Variants in ZNF736 observed in about 807,000 individuals in gnomAD.
ZNF736 encodes KRAB-containing zinc-finger repressor protein.
In ZNF736, 6 loss-of-function variants were observed where a neutral mutation model predicts 11.7. The ratio of observed to expected loss-of-function variants is 0.51; its 90% CI spans 0.28 to 1.01. The LOEUF (loss-of-function observed/expected upper bound fraction) is 1.01, where lower values mean the gene tolerates loss of function less well. Ranked by LOEUF, ZNF736 falls within the 50% of genes least tolerant of loss-of-function variation. The probability of loss-of-function intolerance (pLI) is 0.09; values close to 1 mark genes in which losing one functional copy is unlikely to be tolerated. For synonymous variants in ZNF736, 139 were observed against 164.7 expected (o/e 0.84, Z 1.19); for missense variants, 444 against 496.0 (o/e 0.90, Z 1.00).
intron 1 of ZNF736, among the ~76,000 whole-genome samples, chr7:64,325,197 T>C (rs1225652029): frequency 6.6e-6 from 1 of 152,194 alleles, no homozygotes; most frequent in Non-Finnish European, 1.5e-5. Context: ...AAAAATACAT[T>C]GTAACCAATT....
intron 1 of ZNF736, among the ~76,000 whole-genome samples, chr7:64,316,340 C>T (rs1788917907): frequency 6.6e-6 from 1 of 152,204 alleles, no homozygotes; most frequent in African/African-American, 2.4e-5. Context: ...TTCTTGCAGA[C>T]ACATTGGTGG....
intron 3 of ZNF736, chr7:64,337,298 T>C (rs1789267560): frequency 3.1e-6 from 1 of 327,258 alleles, no homozygotes. Flanking sequence ...TGACTGCTTT[T>C]CCATTGCTTT....
chr7:64,342,811 C>T (rs898941041), intron 3 of ZNF736, among the ~76,000 whole-genome samples: 1 of 152,030 alleles, frequency 6.6e-6, no homozygotes, highest in Non-Finnish European at 1.5e-5. Context: ...CAAAAAGATA[C>T]TAGCATTTTC....
intron 1 of ZNF736, among the ~76,000 whole-genome samples, chr7:64,324,306 G>A (rs1244409561): frequency 6.6e-6 from 1 of 152,130 alleles, no homozygotes; most frequent in Non-Finnish European, 1.5e-5. Context: ...GGACATGTGC[G>A]TGCCTGTGAA....
At chr7:64,319,313 GTATGTGTGTGTGTGTATGTGTATATATA>G (rs1562666617) in intron 1 of ZNF736, among the ~76,000 whole-genome samples, 25 of 96,622 alleles carry the variant, frequency 2.6e-4, no homozygotes, top group African/African-American at 8.5e-4. Flanking sequence ...GTGTGTATAT[GTATGTGTGTGTGTGTATGTGTATATATA>G]TATATATATA....
At chr7:64,317,085 A>AT (rs1562665984) in intron 1 of ZNF736, among the ~76,000 whole-genome samples, 1 of 152,222 alleles carries the variant, frequency 6.6e-6, no homozygotes, top group Non-Finnish European at 1.5e-5. Flanking sequence ...TGGCCAACTC[A>AT]TTTTTTTAAA....
At chr7:64,322,962 A>C (rs1414599618) in intron 1 of ZNF736, among the ~76,000 whole-genome samples, 2 of 152,202 alleles carry the variant, frequency 1.3e-5, no homozygotes, top group Non-Finnish European at 2.9e-5. Context: ...CCTAATTCTT[A>C]GTAAGGCCTT....
intron 3 of ZNF736, among the ~76,000 whole-genome samples, chr7:64,339,443 A>T (rs1458749326): frequency 2.6e-5 from 4 of 152,134 alleles, no homozygotes; most frequent in Non-Finnish European, 5.9e-5. Context: ...CTTATTTTAT[A>T]TTTAGTTAAT....
Position 64,349,217 on chromosome 7 carries a change from C to G in ZNF736, c.*70C>G, listed in dbSNP as rs1438031046. On this transcript the variant is annotated 3_prime_UTR_variant, in exon 4 of 4. Coordinates refer to ENST00000423484, the MANE Select transcript of ZNF736 (RefSeq NM_001170905.3). ...TCTGAAATTTAATACTGAACAAATG[C>G]AGTATAAATGTAATGACAGTGGAAG... The G allele has an allele frequency of 1.6e-6, 2 of 1,257,478 alleles. No individual in the cohort carries two copies. Among genetic ancestry groups the G allele is most frequent in the Non-Finnish European group, 2.1e-6 (2 of 931,806 alleles). The allele number at this position is 1,257,478 out of a possible 1,614,324, so 77.9% of individuals were successfully genotyped here.
At chr7:64,332,271 A>G (rs1483018411) in intron 1 of ZNF736, among the ~76,000 whole-genome samples, 2 of 151,848 alleles carry the variant, frequency 1.3e-5, no homozygotes, top group African/African-American at 4.8e-5. Context: ...CGGCTGAGAA[A>G]TAAAGAGAAA....
chr7:64,323,215 C>T (rs969303819), intron 1 of ZNF736, among the ~76,000 whole-genome samples: 24 of 152,144 alleles, frequency 1.6e-4, no homozygotes, highest in African/African-American at 5.3e-4. Flanking sequence ...TGTATCTTTA[C>T]CATATTATGG....
At chr7:64,317,103 T>C (rs1274277009) in intron 1 of ZNF736, among the ~76,000 whole-genome samples, 1 of 152,254 alleles carries the variant, frequency 6.6e-6, no homozygotes, top group Non-Finnish European at 1.5e-5. Flanking sequence ...AAAAAATTTC[T>C]ACTTTGTAGG....
intron 1 of ZNF736, among the ~76,000 whole-genome samples, chr7:64,333,329 G>A (rs12671185): frequency 0.31 from 46,867 of 151,928 alleles, 7,397 homozygotes; most frequent in African/African-American, 0.34. Flanking sequence ...TATTCCCTAC[G>A]TCCCAGCTTT....
intron 3 of ZNF736, 73 bp downstream of exon 3, chr7:64,337,055 A>G: frequency 8.0e-7 from 1 of 1,243,188 alleles, no homozygotes; most frequent in Non-Finnish European, 1.1e-6. Flanking sequence ...AAACCTTTAA[A>G]CATGCTTCCA....
At chr7:64,330,446 C>T (rs973310125) in intron 1 of ZNF736, among the ~76,000 whole-genome samples, 4 of 152,070 alleles carry the variant, frequency 2.6e-5, no homozygotes, top group South Asian at 2.1e-4. Flanking sequence ...CCTGAGCCAC[C>T]GTGCCCGGCT....
In ZNF736 at chr7:64,314,005, G is replaced by A; in HGVS notation, c.-146G>A. ...GGGGCCTTTGTCTCCTAGCTTCCGG[G>A]CTCTGATCCTAGTTCGCGTCTCCAC... is the stretch of plus-strand genomic sequence containing the variant. On this transcript the variant is annotated 5_prime_UTR_variant, in exon 1 of 4. Transcript: ENST00000423484. 1 of 1,120,154 alleles carries A rather than the reference G, an allele frequency of 8.9e-7. No individual in the cohort carries two copies. Among genetic ancestry groups the A allele is most frequent in the Non-Finnish European group, 1.3e-6 (1 of 767,860 alleles). The allele number at this position is 1,120,154 out of a possible 1,614,324, so 69.4% of individuals were successfully genotyped here.
intron 3 of ZNF736, 75 bp from the exon 4 acceptor site, chr7:64,348,015 G>T: frequency 8.4e-7 from 1 of 1,187,096 alleles, no homozygotes; most frequent in Non-Finnish European, 1.1e-6. Context: ...TTTATTAATT[G>T]CTTTGTATAA....
At chr7:64,334,726 G>A (rs563349697) in intron 1 of ZNF736, among the ~76,000 whole-genome samples, 4 of 152,282 alleles carry the variant, frequency 2.6e-5, no homozygotes, top group Admixed American at 2.0e-4. Context: ...AAGACAGTGT[G>A]GTGATTCCTC....
intron 1 of ZNF736, among the ~76,000 whole-genome samples, chr7:64,324,287 A>G (rs1203824911): frequency 5.3e-5 from 8 of 152,204 alleles, no homozygotes. Context: ...ATAACATAAG[A>G]GGAGCCAAGG....
Sources: gnomAD v4.1 joint callset for allele counts (sites outside exome capture counted in the v4.1 genomes callset) on GRCh38, gnomAD v4.1.1 for gene constraint, MANE v1.5 for transcripts, NCBI Gene and HGNC (gene_info 2026-07-23, HGNC 2026-07-21) for gene names.